The following SHC3 variants were observed in gnomAD, a reference collection of about 807,000 sequenced individuals.
The protein encoded by SHC3 is SHC-transforming protein 3.
In SHC3, 15 loss-of-function variants were observed where a neutral mutation model predicts 60.4. The ratio of observed to expected loss-of-function variants is 0.25; its 90% CI spans 0.17 to 0.38. SHC3 has a LOEUF of 0.38. Among genes scored for constraint, SHC3 ranks in the 10% least tolerant of loss-of-function variants. SHC3 has a pLI of 1.00. For missense variants in SHC3, 677 were observed against 786.1 expected (o/e 0.86, Z 1.66); for synonymous variants, 294 against 325.9 (o/e 0.90, Z 1.05).
chr9:89,035,604 A>T (rs2117862548), intron 11 of SHC3, among the ~76,000 whole-genome samples: 1 of 152,178 alleles, frequency 6.6e-6, no homozygotes, highest in Non-Finnish European at 1.5e-5. Flanking sequence ...CAGAGAAGAG[A>T]TGAATGATTT....
intron 2 of SHC3, chr9:89,109,001 C>A: frequency 1.0e-6 from 1 of 954,190 alleles, no homozygotes; most frequent in South Asian, 4.8e-5. Context: ...TCAAAGCATT[C>A]CTCGACTTCT....
intron 2 of SHC3, among the ~76,000 whole-genome samples, chr9:89,102,537 C>T (rs567511816): frequency 2.0e-5 from 3 of 152,220 alleles, no homozygotes; most frequent in African/African-American, 7.2e-5. Flanking sequence ...ATAGCGTTTT[C>T]AATATATATG....
intron 11 of SHC3, among the ~76,000 whole-genome samples, chr9:89,029,078 A>G (rs1303854190): frequency 1.3e-5 from 2 of 151,484 alleles, no homozygotes; most frequent in Non-Finnish European, 2.9e-5. Context: ...ATGATAGTCA[A>G]GAAAAGCTCC....
chr9:89,015,758 G>C (rs558172010), intron 11 of SHC3, among the ~76,000 whole-genome samples: 73 of 152,324 alleles, frequency 4.8e-4, no homozygotes, highest in Non-Finnish European at 7.6e-4. Context: ...ACACCTGCAA[G>C]GATTCTGCCA....
At chr9:89,142,377 A>G (rs1826405541) in intron 1 of SHC3, among the ~76,000 whole-genome samples, 1 of 152,108 alleles carries the variant, frequency 6.6e-6, no homozygotes, top group Non-Finnish European at 1.5e-5. Flanking sequence ...CCTGGCCAAC[A>G]TGGTGAAACC....
intron 2 of SHC3, among the ~76,000 whole-genome samples, chr9:89,090,968 A>G (rs971400096): frequency 2.0e-5 from 3 of 152,246 alleles, no homozygotes; most frequent in African/African-American, 7.2e-5. Context: ...TGGCATAACA[A>G]GTCAGATATA....
intron 9 of SHC3, among the ~76,000 whole-genome samples, chr9:89,045,362 C>T (rs1824754906): frequency 6.7e-6 from 1 of 149,228 alleles, no homozygotes. Context: ...CTCACTGCAA[C>T]CTCCACCTCC....
intron 1 of SHC3, among the ~76,000 whole-genome samples, chr9:89,135,901 A>G (rs183762552): frequency 6.6e-6 from 1 of 152,300 alleles, no homozygotes; most frequent in East Asian, 1.9e-4. Flanking sequence ...TTTACTTGGC[A>G]TAATTTTGCT....
At chr9:89,169,656 G>C (rs1396529495) in intron 1 of SHC3, among the ~76,000 whole-genome samples, 1 of 152,036 alleles carries the variant, frequency 6.6e-6, no homozygotes, top group East Asian at 1.9e-4. Context: ...AAGAGCAACA[G>C]GCAAAACCCG....
intron 2 of SHC3, among the ~76,000 whole-genome samples, chr9:89,108,111 C>G (rs959407794): frequency 6.6e-6 from 1 of 152,142 alleles, no homozygotes; most frequent in Non-Finnish European, 1.5e-5. Context: ...AGCCTAGGAG[C>G]AATAGGCTAT....
At chr9:89,169,731 T>C (rs1295938492) in intron 1 of SHC3, among the ~76,000 whole-genome samples, 1 of 152,184 alleles carries the variant, frequency 6.6e-6, no homozygotes, top group African/African-American at 2.4e-5. Flanking sequence ...ACTGAGCTGA[T>C]GGCTGTTGAA....
chr9:89,087,463 T>C (rs1192200320), intron 2 of SHC3, among the ~76,000 whole-genome samples: 1 of 152,098 alleles, frequency 6.6e-6, no homozygotes. Context: ...GGCCTCCCCC[T>C]GCTCTTGGGG....
At chr9:89,174,434 T>C (rs1826913474) in intron 1 of SHC3, among the ~76,000 whole-genome samples, 1 of 152,220 alleles carries the variant, frequency 6.6e-6, no homozygotes, top group Admixed American at 6.5e-5. Flanking sequence ...TCAGTAAATA[T>C]ACAACACTCC....
chr9:89,031,116 C>A (rs964880298), intron 11 of SHC3, among the ~76,000 whole-genome samples: 1 of 152,054 alleles, frequency 6.6e-6, no homozygotes, highest in Non-Finnish European at 1.5e-5. Context: ...GAACTCCCAG[C>A]CTCAAGTGAT....
chr9:89,015,187 T>C (rs1398653286), intron 11 of SHC3, among the ~76,000 whole-genome samples: 1 of 152,240 alleles, frequency 6.6e-6, no homozygotes, highest in African/African-American at 2.4e-5. Context: ...AGAAGCATAC[T>C]TATTTGGAAG....
chr9:89,079,483 A>G (rs1433006682), intron 2 of SHC3, among the ~76,000 whole-genome samples: 6 of 152,210 alleles, frequency 3.9e-5, no homozygotes, highest in Non-Finnish European at 5.9e-5. Flanking sequence ...TAATCACTCC[A>G]TAAATATTCC....
chr9:89,037,010 C>T (rs1363923961), intron 11 of SHC3, among the ~76,000 whole-genome samples: 2 of 149,480 alleles, frequency 1.3e-5, no homozygotes, highest in Non-Finnish European at 1.5e-5. Context: ...AGGTTACATT[C>T]ATGAGGAAGT....
At chr9:89,166,678 C>T (rs1383136860) in intron 1 of SHC3, among the ~76,000 whole-genome samples, 1 of 151,958 alleles carries the variant, frequency 6.6e-6, no homozygotes, top group African/African-American at 2.4e-5. Flanking sequence ...TGGGAGAAGC[C>T]GATCACTGCA....
intron 1 of SHC3, among the ~76,000 whole-genome samples, chr9:89,115,019 G>C (rs1051207309): frequency 5.9e-5 from 9 of 152,038 alleles, no homozygotes; most frequent in African/African-American, 2.2e-4. Context: ...ACTGTCACAG[G>C]GTTATGTGAC....
Sources: gnomAD v4.1 joint callset for allele counts (sites outside exome capture counted in the v4.1 genomes callset) on GRCh38, gnomAD v4.1.1 for gene constraint, MANE v1.5 for transcripts, NCBI Gene and HGNC (gene_info 2026-07-23, HGNC 2026-07-21) for gene names.